NUDT7: variants seen among roughly 807,000 people sequenced by gnomAD.
NUDT7 encodes the protein peroxisomal coenzyme A diphosphatase NUDT7.
Under a neutral mutation model 13.1 loss-of-function variants are expected in NUDT7, and 19 were observed. The ratio of observed to expected loss-of-function variants is 1.45; its 90% CI spans 1.01 to 2.13. NUDT7 has a LOEUF of 2.13. Ranked by LOEUF, NUDT7 falls within the 30% of genes most tolerant of loss-of-function variation. NUDT7 has a pLI of 0.00. For missense variants in NUDT7, 360 were observed against 291.7 expected, an observed-to-expected ratio of 1.23 and a Z score of -1.71; for synonymous variants, 132 against 109.7, an observed-to-expected ratio of 1.20 and a Z score of -1.27.
chr16:77,735,820 A>G lies in NUDT7; in HGVS notation c.190-8A>G, dbSNP rs1471944226. ...CCCACATTGTAGCGCTGTTCTTTCT[A>G]TATCCAGCTAAGAAGGGCCCCTGGA... On this transcript the variant is annotated splice_region_variant and splice_polypyrimidine_tract_variant and intron_variant, in intron 2 of 3. Transcript: ENST00000268533. 4 of 1,611,662 alleles carry G rather than the reference A, an allele frequency of 2.5e-6. No homozygotes were observed. Among genetic ancestry groups the G allele is most frequent in the East Asian group, 2.2e-5 (1 of 44,824 alleles).
At position 77,741,982 on chromosome 16, in the gene NUDT7, C is replaced by T. The variant is rs758846154; in HGVS notation, c.*32C>T. On this transcript the variant is annotated 3_prime_UTR_variant, in exon 4 of 4. Transcript: ENST00000268533. ...AGAGCAAGAGACAAAGAACTATTCA[C>T]GAGGATTCTGTGTGTGCTTATTCGT... The T allele has an allele frequency of 2.9e-5, 45 of 1,537,012 alleles. No homozygotes were observed. The highest frequency in any genetic ancestry group is 2.2e-4 in the Middle Eastern group (1 of 4,618).
chr16:77,725,978 C>T (rs1482333572), intron 2 of NUDT7, among the ~76,000 whole-genome samples: 1 of 152,054 alleles, frequency 6.6e-6, no homozygotes, highest in Non-Finnish European at 1.5e-5. Flanking sequence ...GTCCCTTTGT[C>T]CAGTATGCCA....
intron 2 of NUDT7, among the ~76,000 whole-genome samples, chr16:77,733,816 G>A (rs1470897945): frequency 1.3e-5 from 2 of 152,142 alleles, no homozygotes; most frequent in Non-Finnish European, 2.9e-5. Flanking sequence ...AGGGCTCCTT[G>A]ACAATTCAGG....
intron 3 of NUDT7, among the ~76,000 whole-genome samples, chr16:77,737,015 C>A (rs1567431908): frequency 6.6e-6 from 1 of 151,040 alleles, no homozygotes; most frequent in African/African-American, 2.5e-5. Flanking sequence ...CCATAGGAAA[C>A]TAGACCATAG....
chr16:77,740,584 C>T (rs143395890), intron 3 of NUDT7, among the ~76,000 whole-genome samples: 4,778 of 152,264 alleles, frequency 0.031, 95 homozygotes, highest in Middle Eastern at 0.058. Flanking sequence ...CTCTCTGTCA[C>T]CCAGGCTGGA....
intron 1 of NUDT7, 50 bp from the exon 2 acceptor site, chr16:77,725,381 T>A: frequency 6.4e-7 from 1 of 1,553,356 alleles, no homozygotes; most frequent in Non-Finnish European, 8.8e-7. Flanking sequence ...ATAAGCTTTT[T>A]ACCATAACTC....
rs538045526 is a variant in NUDT7, at chr16:77,735,444, C to T, written c.190-384C>T. 150 of 662,444 alleles carry T rather than the reference C, an allele frequency of 2.3e-4. No homozygotes were observed. In the African/African-American group the frequency reaches 2.5e-3, roughly 11 times the overall value. The allele number at this position is 662,444 out of a possible 1,614,324, so 41.0% of individuals were successfully genotyped here. ...TACCTTCCGCCATGATTGTAAGTTT[C>T]CTGAGGTCTCCCCAGAAGCCAAGCA... On this transcript the variant is annotated intron_variant, in intron 2 of 3. Coordinates refer to ENST00000268533, the MANE Select transcript of NUDT7 (RefSeq NM_001105663.3).
At chr16:77,727,405 T>A (rs2014171071) in intron 2 of NUDT7, among the ~76,000 whole-genome samples, 1 of 130,110 alleles carries the variant, frequency 7.7e-6, no homozygotes, top group East Asian at 2.0e-4. Context: ...TTGTGTGGAT[T>A]GTGTTCGGTC....
At chr16:77,729,544 T>A (rs1262051475) in intron 2 of NUDT7, among the ~76,000 whole-genome samples, 1 of 152,086 alleles carries the variant, frequency 6.6e-6, no homozygotes, top group Non-Finnish European at 1.5e-5. Flanking sequence ...AAAAAAAAAT[T>A]TAGGCCAGGC....
intron 1 of NUDT7, among the ~76,000 whole-genome samples, chr16:77,724,435 C>CTT (rs11421866): frequency 2.1e-4 from 30 of 144,986 alleles, no homozygotes; most frequent in African/African-American, 4.3e-4. Context: ...CTAATTTATG[C>CTT]TTTTTTTTTT....
chr16:77,722,712 T>G, intron 1 of NUDT7, 95 bp downstream of exon 1: 1 of 1,256,324 alleles, frequency 8.0e-7, no homozygotes, highest in East Asian at 2.5e-5. Flanking sequence ...GGACTGATTT[T>G]GCAGCTCCCG....
chr16:77,724,260 CTTTTA>C (rs1288702877), intron 1 of NUDT7, among the ~76,000 whole-genome samples: 1 of 151,936 alleles, frequency 6.6e-6, no homozygotes, highest in African/African-American at 2.4e-5. Context: ...GTTTTTTCTT[CTTTTA>C]TTTTATTTTA....
In NUDT7 at chr16:77,722,525, G is replaced by C; in HGVS notation, c.-58G>C. 7 of 1,512,588 alleles carry C rather than the reference G, an allele frequency of 4.6e-6. No individual in the cohort carries two copies. Among genetic ancestry groups the C allele is most frequent in the South Asian group, 1.2e-5 (1 of 83,622 alleles). 93.7% of individuals were successfully genotyped at this position (1,512,588 alleles called of 1,614,324 possible). A position where few individuals can be genotyped will look rare whatever the true frequency, so the allele number is the denominator to read the frequency against. On this transcript the variant is annotated 5_prime_UTR_variant, in exon 1 of 4. Coordinates refer to ENST00000268533, the MANE Select transcript of NUDT7 (RefSeq NM_001105663.3). The stretch of plus-strand genomic sequence containing the variant: ...CCAAGCCCAGAGCTGCTCTGCGCAA[G>C]CGCGACCGACCGAGCAGCTCCGAGG...
At chr16:77,730,526 G>A (rs1016195450) in intron 2 of NUDT7, among the ~76,000 whole-genome samples, 1 of 152,078 alleles carries the variant, frequency 6.6e-6, no homozygotes, top group Non-Finnish European at 1.5e-5. Context: ...GGATACTCAG[G>A]TTGATTCCAT....
chr16:77,741,877 A>C lies in NUDT7; in HGVS notation c.644A>C (p.Asn215Thr), dbSNP rs1459457015. 6.2e-7 allele frequency: 1 copy of C among 1,613,994 alleles called. No homozygotes were observed. Among genetic ancestry groups the C allele is most frequent in the African/African-American group, 1.3e-5 (1 of 74,936 alleles). The stretch of plus-strand genomic sequence containing the variant: ...AAACCCACCTTTGAGGTTCAATTTA[A>C]TCTTAATGATGTATTAGCATCCTCT... Reference protein sequence around the residue: ...EKKPTFEVQFNLNDVLASSEE... With the variant: ...EKKPTFEVQFTLNDVLASSEE... Residue 215 changes from asparagine (N) to threonine (T), a missense_variant, in exon 4 of 4, where the codon AAT becomes ACT. Transcript: ENST00000268533.
intron 2 of NUDT7, among the ~76,000 whole-genome samples, chr16:77,727,376 TG>T (rs1260796723): frequency 6.7e-6 from 1 of 149,466 alleles, no homozygotes; most frequent in Non-Finnish European, 1.5e-5. Flanking sequence ...GCTGGAGTTT[TG>T]TGGACGTGGA....
intron 1 of NUDT7, among the ~76,000 whole-genome samples, chr16:77,724,546 C>T (rs2014067026): frequency 6.6e-6 from 1 of 152,076 alleles, no homozygotes; most frequent in Admixed American, 6.5e-5. Flanking sequence ...GTTGGGATTA[C>T]AGGCGTGAGC....
chr16:77,737,675 C>T (rs1021081373), intron 3 of NUDT7, among the ~76,000 whole-genome samples: 3 of 152,006 alleles, frequency 2.0e-5, no homozygotes, highest in Non-Finnish European at 4.4e-5. Context: ...TTAGTAGAGA[C>T]GGGGTTTCAC....
intron 2 of NUDT7, among the ~76,000 whole-genome samples, chr16:77,731,638 T>A (rs2014321801): frequency 6.6e-6 from 1 of 152,210 alleles, no homozygotes; most frequent in African/African-American, 2.4e-5. Context: ...CTTCTACTTA[T>A]TTTTTAAAAA....
Sources: gnomAD v4.1 joint callset for allele counts (sites outside exome capture counted in the v4.1 genomes callset) on GRCh38, gnomAD v4.1.1 for gene constraint, MANE v1.5 for transcripts, NCBI Gene and HGNC (gene_info 2026-07-23, HGNC 2026-07-21) for gene names.